Variants in SEL1L3 observed in about 807,000 individuals in gnomAD.
SEL1L3 encodes the protein SEL1L family member 3.
Under a neutral mutation model 142.8 loss-of-function variants are expected in SEL1L3, and 76 were observed. That is an observed-to-expected ratio of 0.53 (90% CI 0.44 to 0.64). SEL1L3 has a LOEUF of 0.64. SEL1L3 is among the 30% of genes least tolerant of loss of function. SEL1L3 has a pLI of 0.00. For synonymous variants in SEL1L3, 504 were observed against 519.6 expected, an observed-to-expected ratio of 0.97 and a Z score of 0.41; for missense variants, 1,262 against 1,381.7, an observed-to-expected ratio of 0.91 and a Z score of 1.37.
At chr4:25,726,154 G>A in the SEL1L3 span, among the ~76,000 whole-genome samples, 1 of 151,778 alleles carries the variant, frequency 6.6e-6, no homozygotes, top group East Asian at 1.9e-4. Context: ...CTGAAGGAGA[G>A]GAAACCTGAG....
At chr4:25,768,001 TTTA>T (rs1373694809) in intron 17 of SEL1L3, among the ~76,000 whole-genome samples, 171 bp from the exon 18 acceptor site, 1 of 152,166 alleles carries the variant, frequency 6.6e-6, no homozygotes, top group African/African-American at 2.4e-5. Context: ...CATGCACTGA[TTTA>T]TTTTCTGTCT....
At chr4:25,792,986 C>A (rs1712457494) in intron 11 of SEL1L3, among the ~76,000 whole-genome samples, 1 of 152,206 alleles carries the variant, frequency 6.6e-6, no homozygotes, top group Admixed American at 6.5e-5. Context: ...AGTGATATTT[C>A]ATAAGAACCA....
chr4:25,744,259 C>T (rs763094574), downstream of SEL1L3, among the ~76,000 whole-genome samples: 9 of 151,718 alleles, frequency 5.9e-5, no homozygotes, highest in Non-Finnish European at 1.0e-4. Context: ...GTCCTAACAC[C>T]GAGTACCTCA....
At chr4:25,739,124 A>T in the SEL1L3 span, among the ~76,000 whole-genome samples, 11 of 152,190 alleles carry the variant, frequency 7.2e-5, no homozygotes, top group East Asian at 1.9e-3. Flanking sequence ...CAGAACCATC[A>T]CTTGAACCTG....
intron 8 of SEL1L3, among the ~76,000 whole-genome samples, chr4:25,819,181 G>T (rs972378695): frequency 9.2e-5 from 14 of 152,218 alleles, no homozygotes; most frequent in African/African-American, 2.7e-4. Flanking sequence ...GAACACTGGC[G>T]AACCAGACAG....
At chr4:25,722,624 C>CTTTTTTTTTTTTTT in the SEL1L3 span, among the ~76,000 whole-genome samples, 163 of 103,632 alleles carry the variant, frequency 1.6e-3, 20 homozygotes, top group African/African-American at 5.7e-3. Context: ...CCAAAGGAGG[C>CTTTTTTTTTTTTTT]TTTTTTTTTT....
At chr4:25,740,568 G>A in the SEL1L3 span, among the ~76,000 whole-genome samples, 1 of 152,114 alleles carries the variant, frequency 6.6e-6, no homozygotes, top group Non-Finnish European at 1.5e-5. Context: ...CTCTCAAACA[G>A]TGCTGTTTGC....
At chr4:25,785,968 T>A (rs756888393) in intron 13 of SEL1L3, among the ~76,000 whole-genome samples, 18 of 152,182 alleles carry the variant, frequency 1.2e-4, no homozygotes, top group African/African-American at 1.9e-4. Context: ...AAAAGTGGGA[T>A]GACTTTTCTT....
the SEL1L3 span, among the ~76,000 whole-genome samples, chr4:25,738,246 A>G: frequency 6.6e-6 from 1 of 152,194 alleles, no homozygotes; most frequent in East Asian, 1.9e-4. Flanking sequence ...GAGATGCGGA[A>G]CCCATGGGTA....
At chr4:25,857,178 T>TAC (rs1435724568) in intron 1 of SEL1L3, among the ~76,000 whole-genome samples, 4 of 152,200 alleles carry the variant, frequency 2.6e-5, no homozygotes, top group African/African-American at 9.7e-5. Flanking sequence ...AAATTCTGTT[T>TAC]AGGTCAACAA....
the SEL1L3 span, among the ~76,000 whole-genome samples, chr4:25,717,309 G>A: frequency 2.6e-5 from 4 of 152,150 alleles, no homozygotes; most frequent in African/African-American, 4.8e-5. Flanking sequence ...TTTCTACCAC[G>A]ATAGGAGTAG....
chr4:25,834,871 C>G (rs1344944613), intron 3 of SEL1L3, among the ~76,000 whole-genome samples: 2 of 152,194 alleles, frequency 1.3e-5, no homozygotes, highest in Non-Finnish European at 2.9e-5. Context: ...GACAGAAAGG[C>G]AAAGCCAAGG....
chr4:25,756,309 T>G, intron 23 of SEL1L3: 1 of 985,292 alleles, frequency 1.0e-6, no homozygotes, highest in South Asian at 4.7e-5. Context: ...GAGTACCTAC[T>G]ATGCATGAGT....
the SEL1L3 span, among the ~76,000 whole-genome samples, chr4:25,729,566 T>C: frequency 0.078 from 11,819 of 151,956 alleles, 515 homozygotes; most frequent in Middle Eastern, 0.16. Flanking sequence ...ATACAAAAAT[T>C]AGCTGGGCGT....
At chr4:25,759,139 A>C in intron 20 of SEL1L3, 71 bp from the exon 21 acceptor site, 1 of 1,519,342 alleles carries the variant, frequency 6.6e-7, no homozygotes, top group Non-Finnish European at 8.9e-7. Context: ...CTTCATCAGA[A>C]TGTAAATGTT....
At chr4:25,793,345 C>G (rs558280110) in intron 11 of SEL1L3, among the ~76,000 whole-genome samples, 1 of 152,124 alleles carries the variant, frequency 6.6e-6, no homozygotes, top group African/African-American at 2.4e-5. Context: ...TGCAGTGGCA[C>G]GATCATGGCT....
the SEL1L3 span, among the ~76,000 whole-genome samples, chr4:25,736,213 TTGTGTGTCTG>T: frequency 2.3e-5 from 3 of 130,590 alleles, no homozygotes; most frequent in African/African-American, 9.0e-5. Context: ...TGCCATAAGA[TTGTGTGTCTG>T]TGTGTGTGTG....
the SEL1L3 span, among the ~76,000 whole-genome samples, chr4:25,723,178 AGG>A: frequency 6.6e-6 from 1 of 152,198 alleles, no homozygotes; most frequent in African/African-American, 2.4e-5. Context: ...TCCTCTGCTG[AGG>A]ACTGATAGTA....
chr4:25,806,049 T>G (rs1176513754), intron 9 of SEL1L3, among the ~76,000 whole-genome samples: 4 of 150,748 alleles, frequency 2.7e-5, no homozygotes, highest in African/African-American at 4.9e-5. Context: ...TTGTTTTTTT[T>G]TTTTTTTGAG....
Sources: allele counts gnomAD v4.1 joint callset (sites outside exome capture counted in the v4.1 genomes callset), GRCh38; gene constraint gnomAD v4.1.1; transcripts MANE v1.5; gene names NCBI Gene and HGNC (gene_info 2026-07-23, HGNC 2026-07-21).